The following SLIT3 variants were observed in gnomAD, a reference collection of about 807,000 sequenced individuals.
SLIT3 encodes the protein slit guidance ligand 3.
A neutral mutation model predicts 184.0 loss-of-function variants in SLIT3; 68 were observed. That is an observed-to-expected ratio of 0.37 (90% CI 0.30 to 0.45). SLIT3 has a LOEUF of 0.45. Among genes scored for constraint, SLIT3 ranks in the 20% least tolerant of loss-of-function variants. The probability of loss-of-function intolerance (pLI) is 1.00; values close to 1 mark genes in which losing one functional copy is unlikely to be tolerated. For synonymous variants in SLIT3, 831 were observed against 828.6 expected, an observed-to-expected ratio of 1.00 and a Z score of -0.05; for missense variants, 1,707 against 2,026.0, an observed-to-expected ratio of 0.84 and a Z score of 3.02.
intron 4 of SLIT3, among the ~76,000 whole-genome samples, chr5:169,118,958 G>T (rs1014060614): frequency 6.6e-6 from 1 of 152,114 alleles, no homozygotes; most frequent in Non-Finnish European, 1.5e-5. Context: ...CTTATTGTGT[G>T]CCAGACACTA....
At chr5:168,957,337 T>C (rs1339682131) in intron 4 of SLIT3, among the ~76,000 whole-genome samples, 2 of 152,226 alleles carry the variant, frequency 1.3e-5, no homozygotes, top group Admixed American at 6.5e-5. Flanking sequence ...AGTGCTGGCA[T>C]TACAGGCAAG....
intron 3 of SLIT3, among the ~76,000 whole-genome samples, chr5:169,240,579 C>CTTT (rs67955225): frequency 3.5e-4 from 40 of 114,260 alleles, no homozygotes; most frequent in East Asian, 1.4e-3. Flanking sequence ...CTATCATTTT[C>CTTT]TTTTTTTTTT....
chr5:169,246,557 T>A (rs964365604), intron 2 of SLIT3, among the ~76,000 whole-genome samples: 4 of 152,254 alleles, frequency 2.6e-5, no homozygotes, highest in Admixed American at 2.0e-4. Flanking sequence ...ACTGCAAAAG[T>A]TCTTACGAGA....
At chr5:168,957,296 C>A (rs1581244701) in intron 4 of SLIT3, among the ~76,000 whole-genome samples, 2 of 151,730 alleles carry the variant, frequency 1.3e-5, no homozygotes, top group African/African-American at 2.4e-5. Flanking sequence ...GAACTCCTGA[C>A]CTCAAGTGAT....
intron 4 of SLIT3, among the ~76,000 whole-genome samples, chr5:168,980,959 T>C (rs1398740249): frequency 6.6e-6 from 1 of 152,234 alleles, no homozygotes; most frequent in Non-Finnish European, 1.5e-5. Context: ...GGTAAATCTA[T>C]ACAATGAAAT....
chr5:169,038,132 T>C (rs1757319720), intron 4 of SLIT3: 1 of 152,250 alleles, frequency 6.6e-6, no homozygotes, highest in Non-Finnish European at 1.5e-5. Flanking sequence ...CTAGGATGCC[T>C]TAGTAGTGTC....
chr5:168,788,017 T>C (rs1756221445), intron 11 of SLIT3, among the ~76,000 whole-genome samples: 1 of 152,092 alleles, frequency 6.6e-6, no homozygotes, highest in Non-Finnish European at 1.5e-5. Context: ...AATGCTCACA[T>C]ATATTTCAGA....
rs561472748 is a variant in SLIT3, at chr5:169,231,752, A to G, written c.341+12953T>C. Among the ~76,000 whole-genome samples the G allele has an allele frequency of 7.2e-5, 11 of 152,340 alleles. No individual in the cohort carries two copies. The South Asian group carries it at 8.3e-4, about 11-fold the overall frequency. ...CATTCAGCTCTGATTGGTACTGCCC[A>G]TATTCGAGAGTAACTGTATCAATAA... is the stretch of plus-strand genomic sequence containing the variant. On this transcript the variant is annotated intron_variant, in intron 3 of 35. Coordinates refer to ENST00000519560, the MANE Select transcript of SLIT3 (RefSeq NM_003062.4).
At chr5:169,295,103 T>C (rs1035234439) in intron 1 of SLIT3, among the ~76,000 whole-genome samples, 1 of 152,210 alleles carries the variant, frequency 6.6e-6, no homozygotes, top group Non-Finnish European at 1.5e-5. Context: ...ACCCTTAGGC[T>C]GTACTAAATT....
rs536381635 is a variant in SLIT3, at chr5:169,116,473, C to G, written c.413+77006G>C. 1.8e-4 allele frequency among the ~76,000 whole-genome samples: 28 copies of G among 152,270 alleles called. No homozygotes were observed. The South Asian group carries it at 5.8e-3, about 32-fold the overall frequency. On this transcript the variant is annotated intron_variant, in intron 4 of 35. Coordinates refer to ENST00000519560, the MANE Select transcript of SLIT3 (RefSeq NM_003062.4). Reference sequence around the variant, plus strand: ...AAGATATCTCTCCAGGATGAACGACCTAGTTATGGTGTTCAGGATGAATTT... The same window carrying G: ...AAGATATCTCTCCAGGATGAACGACGTAGTTATGGTGTTCAGGATGAATTT...
chr5:168,903,738 C>T (rs1760947774), intron 4 of SLIT3, among the ~76,000 whole-genome samples: 1 of 152,194 alleles, frequency 6.6e-6, no homozygotes, highest in Admixed American at 6.5e-5. Flanking sequence ...TCCCTGACCT[C>T]CCACTATGAT....
At chr5:169,111,899 G>A (rs901150079) in intron 4 of SLIT3, among the ~76,000 whole-genome samples, 7 of 152,190 alleles carry the variant, frequency 4.6e-5, no homozygotes, top group African/African-American at 1.7e-4. Context: ...AGATATCTGG[G>A]GGTGTCCTCT....
intron 4 of SLIT3, among the ~76,000 whole-genome samples, chr5:169,157,865 T>C (rs572583157): frequency 2.1e-4 from 30 of 146,094 alleles, no homozygotes; most frequent in African/African-American, 7.1e-4. Context: ...CAGGAAAAAA[T>C]AGCCAAAATA....
chr5:169,052,550 G>A (rs1473104961), intron 4 of SLIT3, among the ~76,000 whole-genome samples: 1 of 152,164 alleles, frequency 6.6e-6, no homozygotes, highest in Non-Finnish European at 1.5e-5. Flanking sequence ...GGCCACGTAA[G>A]ACTTCCCAAC....
intron 20 of SLIT3, among the ~76,000 whole-genome samples, chr5:168,743,741 C>T (rs187269741): frequency 1.8e-4 from 27 of 152,240 alleles, no homozygotes; most frequent in East Asian, 3.9e-4. Flanking sequence ...AAATTGTGAA[C>T]GCAAATAAAA....
intron 1 of SLIT3, among the ~76,000 whole-genome samples, chr5:169,252,294 A>G (rs781735012): frequency 6.6e-6 from 1 of 152,228 alleles, no homozygotes; most frequent in Non-Finnish European, 1.5e-5. Context: ...TTCACATGTT[A>G]GGTAAAGACA....
intron 4 of SLIT3, among the ~76,000 whole-genome samples, chr5:168,958,072 C>T (rs76091994): frequency 0.017 from 2,588 of 152,296 alleles, 89 homozygotes; most frequent in African/African-American, 0.059. Context: ...ACTAAGATAA[C>T]TCCAGTATAT....
chr5:169,238,711 T>C (rs1253033817), intron 3 of SLIT3, among the ~76,000 whole-genome samples: 1 of 152,178 alleles, frequency 6.6e-6, no homozygotes, highest in Non-Finnish European at 1.5e-5. Flanking sequence ...GTTCCTTTTC[T>C]GATCAACTGC....
intron 3 of SLIT3, among the ~76,000 whole-genome samples, chr5:169,217,816 A>G (rs1764495523): frequency 6.6e-6 from 1 of 152,216 alleles, no homozygotes; most frequent in South Asian, 2.1e-4. Flanking sequence ...ACCATGTGGT[A>G]AAAAAGGATC....
Sources: allele counts gnomAD v4.1 joint callset (sites outside exome capture counted in the v4.1 genomes callset), GRCh38; gene constraint gnomAD v4.1.1; transcripts MANE v1.5; gene names NCBI Gene and HGNC (gene_info 2026-07-23, HGNC 2026-07-21).